DLG2: variants seen among roughly 807,000 people sequenced by gnomAD.
The protein encoded by DLG2 is discs large MAGUK scaffold protein 2, also known as disks large homolog 2.
In DLG2, 45 loss-of-function variants were observed where a neutral mutation model predicts 132.5. The observed-to-expected ratio is 0.34, with a 90% CI of 0.27 to 0.44. The LOEUF (loss-of-function observed/expected upper bound fraction) is 0.44, where lower values mean the gene tolerates loss of function less well. Ranked by LOEUF, DLG2 falls within the 20% of genes least tolerant of loss-of-function variation. DLG2 has a pLI of 1.00. For missense variants in DLG2, 1,045 were observed against 1,196.9 expected (o/e 0.87, Z 1.87); for synonymous variants, 424 against 419.6 (o/e 1.01, Z -0.13).
intron 9 of DLG2, among the ~76,000 whole-genome samples, chr11:84,151,390 T>A (rs1210957028): frequency 6.6e-6 from 1 of 152,152 alleles, no homozygotes; most frequent in African/African-American, 2.4e-5. Flanking sequence ...GTGGGATCAG[T>A]TGTGATGTTA....
chr11:85,541,286 TA>T (rs1243494697), intron 3 of DLG2, among the ~76,000 whole-genome samples: 1 of 152,134 alleles, frequency 6.6e-6, no homozygotes, highest in Non-Finnish European at 1.5e-5. Context: ...TTTATAGTTT[TA>T]AATTACAATG....
At chr11:84,616,467 G>T (rs2099604617) in intron 6 of DLG2, among the ~76,000 whole-genome samples, 1 of 152,120 alleles carries the variant, frequency 6.6e-6, no homozygotes, top group Admixed American at 6.6e-5. Context: ...AGCACTAATA[G>T]TTGCATGACC....
At chr11:85,520,649 G>A (rs748597984) in intron 3 of DLG2, among the ~76,000 whole-genome samples, 1 of 151,438 alleles carries the variant, frequency 6.6e-6, no homozygotes, top group Non-Finnish European at 1.5e-5. Context: ...GCATGGTATT[G>A]GCATAAAAAA....
intron 3 of DLG2, among the ~76,000 whole-genome samples, chr11:85,528,547 C>G (rs2074960868): frequency 6.6e-6 from 1 of 152,134 alleles, no homozygotes; most frequent in Non-Finnish European, 1.5e-5. Context: ...GTAGAGTAAA[C>G]TGGTACAACA....
At chr11:83,481,998 G>A (rs2093154545) in intron 22 of DLG2, among the ~76,000 whole-genome samples, 2 of 151,950 alleles carry the variant, frequency 1.3e-5, no homozygotes, top group Admixed American at 1.3e-4. Context: ...CAAATTGAAA[G>A]TTTACAAATT....
At chr11:84,236,688 A>T (rs2097162238) in intron 8 of DLG2, among the ~76,000 whole-genome samples, 1 of 152,200 alleles carries the variant, frequency 6.6e-6, no homozygotes, top group Non-Finnish European at 1.5e-5. Flanking sequence ...TACCAAGTTA[A>T]CAGGTGGCAG....
intron 6 of DLG2, among the ~76,000 whole-genome samples, chr11:84,787,586 A>T (rs1334709905): frequency 6.6e-6 from 1 of 152,134 alleles, no homozygotes; most frequent in Non-Finnish European, 1.5e-5. Context: ...CTCACTTAGT[A>T]TGGCAATTAT....
At chr11:85,511,282 T>C (rs1317416832) in intron 3 of DLG2, among the ~76,000 whole-genome samples, 3 of 151,786 alleles carry the variant, frequency 2.0e-5, no homozygotes, top group Admixed American at 6.6e-5. Context: ...AAATGACGAG[T>C]TAATGGGTGC....
rs568648135 is a variant in DLG2, at chr11:84,550,542, T to C, written c.358-15811A>G. On this transcript the variant is annotated intron_variant, in intron 6 of 27. Transcript: ENST00000376104. ...GAGTTTTTGGACTTCAGAACCTACCTGTGAAATTGGCACTTGCCTAGCCTT... is the reference window on the plus strand; with the variant it reads ...GAGTTTTTGGACTTCAGAACCTACCCGTGAAATTGGCACTTGCCTAGCCTT... Among the ~76,000 whole-genome samples the C allele has an allele frequency of 3.3e-5, 5 of 152,348 alleles. No homozygotes were observed. In the East Asian group the frequency reaches 9.6e-4, roughly 29 times the overall value.
intron 14 of DLG2, among the ~76,000 whole-genome samples, chr11:83,939,552 C>A (rs1051379430): frequency 1.3e-5 from 2 of 152,144 alleles, no homozygotes; most frequent in African/African-American, 2.4e-5. Context: ...CAATTTCTTT[C>A]TTTTTATCAT....
At chr11:85,028,096 C>T (rs1050538874) in intron 6 of DLG2, among the ~76,000 whole-genome samples, 5 of 152,140 alleles carry the variant, frequency 3.3e-5, no homozygotes, top group Admixed American at 3.3e-4. Flanking sequence ...GGCAGGTTGT[C>T]CTGAGAAGTA....
chr11:85,272,980 C>A (rs543743560), intron 4 of DLG2, among the ~76,000 whole-genome samples: 2 of 152,070 alleles, frequency 1.3e-5, no homozygotes, highest in Non-Finnish European at 2.9e-5. Context: ...CTTTGACAAA[C>A]CTGACAAAAA....
In DLG2 at chr11:83,752,649, C is replaced by T. The variant is rs564259378; in HGVS notation, c.1825+34041G>A. Among the ~76,000 whole-genome samples, 339 of 152,238 alleles carry T rather than the reference C, an allele frequency of 2.2e-3. 1 individual carries two copies. Among genetic ancestry groups the T allele is most frequent in the African/African-American group, 7.9e-3 (328 of 41,546 alleles). On this transcript the variant is annotated intron_variant, in intron 18 of 27. Coordinates refer to ENST00000376104, the MANE Select transcript of DLG2 (RefSeq NM_001142699.3). Reference sequence around the variant, plus strand: ...ATATAAAGCACACTTTTCCAATGAGCTTTGTTATAAAGCAAGATTGTTTAA... The same window carrying T: ...ATATAAAGCACACTTTTCCAATGAGTTTTGTTATAAAGCAAGATTGTTTAA...
chr11:84,878,066 A>G (rs2086675034), intron 6 of DLG2, among the ~76,000 whole-genome samples: 6 of 152,140 alleles, frequency 3.9e-5, no homozygotes. Context: ...GAAACAACAG[A>G]TGCTGGAGAG....
chr11:84,959,397 A>C (rs1218217978), intron 6 of DLG2, among the ~76,000 whole-genome samples: 1 of 152,224 alleles, frequency 6.6e-6, no homozygotes, highest in Non-Finnish European at 1.5e-5. Context: ...AATATAAAAC[A>C]GAGCCCCTTC....
chr11:85,023,955 C>T (rs1486216158), intron 6 of DLG2, among the ~76,000 whole-genome samples: 3 of 152,130 alleles, frequency 2.0e-5, no homozygotes, highest in South Asian at 2.1e-4. Context: ...TTTGTAGCTT[C>T]GCCACTCATA....
rs116855854 is a variant in DLG2, at chr11:84,991,617, A to C, written c.357+120044T>G. ...GGAACAGAGGAAAGTGGGTATTGCT[A>C]TAAAAGGACAACATGACTGAGATCA... On this transcript the variant is annotated intron_variant, in intron 6 of 27. Coordinates refer to ENST00000376104, the MANE Select transcript of DLG2 (RefSeq NM_001142699.3). Among the ~76,000 whole-genome samples the C allele has an allele frequency of 3.9e-4, 59 of 152,210 alleles. No homozygotes were observed. The East Asian group carries it at 0.011, about 28-fold the overall frequency.
At chr11:83,594,916 G>T (rs926377445) in intron 19 of DLG2, among the ~76,000 whole-genome samples, 1 of 152,164 alleles carries the variant, frequency 6.6e-6, no homozygotes, top group Non-Finnish European at 1.5e-5. Context: ...TGAACTAAAA[G>T]GTAGATCTTC....
At chr11:84,253,837 C>A (rs2097423944) in intron 7 of DLG2, among the ~76,000 whole-genome samples, 1 of 152,056 alleles carries the variant, frequency 6.6e-6, no homozygotes, top group East Asian at 1.9e-4. Flanking sequence ...ATTCATTTTT[C>A]CCCACTAAGC....
Sources: allele counts gnomAD v4.1 joint callset (sites outside exome capture counted in the v4.1 genomes callset), GRCh38; gene constraint gnomAD v4.1.1; transcripts MANE v1.5; gene names NCBI Gene and HGNC (gene_info 2026-07-23, HGNC 2026-07-21).